Variants in CDCP1 observed in about 807,000 individuals in gnomAD.
CDCP1 encodes the protein CUB domain-containing protein 1.
A neutral mutation model predicts 60.2 loss-of-function variants in CDCP1; 29 were observed. That is an observed-to-expected ratio of 0.48 (90% confidence interval 0.36 to 0.66). The LOEUF is 0.66. Among genes scored for constraint, CDCP1 ranks in the 30% least tolerant of loss-of-function variants. The pLI is 0.00. For synonymous variants in CDCP1, 387 were observed against 431.1 expected (o/e 0.90, Z 1.27); for missense variants, 876 against 1,074.3 (o/e 0.82, Z 2.58).
intron 2 of CDCP1, among the ~76,000 whole-genome samples, chr3:45,112,882 C>T (rs1164599798): frequency 1.3e-5 from 2 of 152,252 alleles, no homozygotes; most frequent in Non-Finnish European, 2.9e-5. Context: ...CATTCAGCTA[C>T]GTGCCCTGCT....
chr3:45,145,604 A>T (rs1392245770), intron 1 of CDCP1, among the ~76,000 whole-genome samples: 1 of 152,080 alleles, frequency 6.6e-6, no homozygotes, highest in South Asian at 2.1e-4. Context: ...GGACCCCCTA[A>T]AAGAAATCCG....
chr3:45,110,143 A>G, intron 4 of CDCP1: 1 of 1,078,118 alleles, frequency 9.3e-7, no homozygotes, highest in South Asian at 2.6e-5. Context: ...ATCATCGCTG[A>G]TGGTGCGGGT....
Position 45,085,961 on chromosome 3 carries a change from C to T in CDCP1, c.2188G>A (p.Asp730Asn), listed in dbSNP as rs1221872997. Reference protein sequence around the residue: ...KKFQKGRKDNDSHVYAVIEDT... With the variant: ...KKFQKGRKDNNSHVYAVIEDT... ...TCGATGACTGCATACACATGGGAGT[C>T]ATTGTCCTTTCGCCCTTTCTGAAAC... Residue 730 changes from aspartate (D) to asparagine (N), a missense_variant, in exon 9 of 9, where the codon GAC (aspartate) becomes AAC (asparagine). Asp to Asn is a conservative substitution (Grantham distance 23). Coordinates refer to ENST00000296129, the MANE Select transcript of CDCP1 (RefSeq NM_022842.5). This position sits in a 1 kb window ranked among gnomAD's most constrained non-coding sequence, Gnocchi z 4.2. The T allele has an allele frequency of 6.2e-7, 1 of 1,614,222 alleles. No homozygotes were observed. The highest frequency in any genetic ancestry group is 1.7e-5 in the Admixed American group (1 of 60,034).
chr3:45,136,581 C>T (rs1170292795), intron 1 of CDCP1, among the ~76,000 whole-genome samples: 1 of 152,180 alleles, frequency 6.6e-6, no homozygotes, highest in Non-Finnish European at 1.5e-5. Context: ...CAAATCACAG[C>T]AAGTTGCTCT....
rs72581928 is a variant in CDCP1, at chr3:45,126,108, CTCTT to C, written c.83-7491_83-7488del. Among the ~76,000 whole-genome samples, 636 of 109,966 alleles carry C rather than the reference CTCTT, an allele frequency of 5.8e-3. 1 individual carries two copies. The highest frequency in any genetic ancestry group is 0.015 in the African/African-American group (397 of 26,918). The allele number at this position is 109,966 out of a possible 152,430, so 72.1% of individuals were successfully genotyped here. Reference sequence around the variant, plus strand: ...AACTGCTGCCATTCTTTGTCTCTCTCTCTTTCTTTCTTTCTTTCTTTCTTTCTTT... The same window carrying C: ...AACTGCTGCCATTCTTTGTCTCTCTCTCTTTCTTTCTTTCTTTCTTTCTTT... On this transcript the variant is annotated intron_variant, in intron 1 of 8. Transcript: ENST00000296129.
chr3:45,124,851 A>T (rs1196106225), intron 1 of CDCP1, among the ~76,000 whole-genome samples: 1 of 152,198 alleles, frequency 6.6e-6, no homozygotes, highest in Non-Finnish European at 1.5e-5. Context: ...ATCCACCCCA[A>T]GGGGACACAC....
In CDCP1 at chr3:45,126,122, CTTTCTTTCTTTCT is replaced by C. The variant is rs1559398772; in HGVS notation, c.83-7514_83-7502del. Among the ~76,000 whole-genome samples, 835 of 135,320 alleles carry C rather than the reference CTTTCTTTCTTTCT, an allele frequency of 6.2e-3. 17 individuals are homozygous for C. Among genetic ancestry groups the C allele is most frequent in the African/African-American group, 0.022 (779 of 35,766 alleles). 88.8% of individuals were successfully genotyped at this position (135,320 alleles called of 152,430 possible). On this transcript the variant is annotated intron_variant, in intron 1 of 8. Transcript: ENST00000296129. Reference sequence around the variant, plus strand: ...TTTGTCTCTCTCTCTTTCTTTCTTTCTTTCTTTCTTTCTTTCTTTCTTTCTTTCTTTCTTTCTT... The same window carrying C: ...TTTGTCTCTCTCTCTTTCTTTCTTTCTTCTTTCTTTCTTTCTTTCTTTCTT...
At chr3:45,120,556 A>C (rs997216032) in intron 1 of CDCP1, among the ~76,000 whole-genome samples, 2 of 152,158 alleles carry the variant, frequency 1.3e-5, no homozygotes, top group Admixed American at 1.3e-4. Context: ...TTGTAACTGG[A>C]AGAATTCCCA....
At chr3:45,130,519 A>C (rs993975335) in intron 1 of CDCP1, among the ~76,000 whole-genome samples, 6 of 152,146 alleles carry the variant, frequency 3.9e-5, no homozygotes, top group African/African-American at 1.4e-4. Flanking sequence ...CTGGACATAC[A>C]CCAAACCCCT....
chr3:45,108,930 TGTATAC>T (rs1303196680), intron 4 of CDCP1, among the ~76,000 whole-genome samples: 2 of 58,764 alleles, frequency 3.4e-5, no homozygotes, highest in Admixed American at 1.9e-4. Context: ...TATATATGCA[TGTATAC>T]ATATATATAT....
chr3:45,102,896 A>G (rs1259996256), intron 4 of CDCP1, among the ~76,000 whole-genome samples: 4 of 151,298 alleles, frequency 2.6e-5, no homozygotes, highest in Non-Finnish European at 4.4e-5. Context: ...TTTGGGCTCA[A>G]CCAAATATGC....
chr3:45,140,199 C>G (rs1699265028), intron 1 of CDCP1, among the ~76,000 whole-genome samples: 1 of 152,160 alleles, frequency 6.6e-6, no homozygotes, highest in Non-Finnish European at 1.5e-5. Context: ...GTAGGCAGAC[C>G]CAAAATAAAG....
chr3:45,133,920 C>T (rs1015954318), intron 1 of CDCP1, among the ~76,000 whole-genome samples: 9 of 152,122 alleles, frequency 5.9e-5, no homozygotes, highest in Non-Finnish European at 1.3e-4. Context: ...CCGTCACTGC[C>T]TTTACTTCCG....
intron 1 of CDCP1, among the ~76,000 whole-genome samples, chr3:45,142,153 C>T (rs1158555499): frequency 6.6e-6 from 1 of 152,036 alleles, no homozygotes; most frequent in Non-Finnish European, 1.5e-5. Flanking sequence ...TTTTCTTAAC[C>T]ACCAAGGCAG....
intron 1 of CDCP1, among the ~76,000 whole-genome samples, chr3:45,142,819 C>T (rs543623609): frequency 2.6e-5 from 4 of 152,348 alleles, no homozygotes; most frequent in South Asian, 2.1e-4. Flanking sequence ...GCTTCCAGAA[C>T]GTGGAAATGC....
In CDCP1 at chr3:45,118,381, A is replaced by G. The variant is rs150247966; in HGVS notation, c.292+31T>C. On this transcript the variant is annotated intron_variant, in intron 2 of 8. Coordinates refer to ENST00000296129, the MANE Select transcript of CDCP1 (RefSeq NM_022842.5). The stretch of plus-strand genomic sequence containing the variant: ...GGAGGTGTAGAGACATTTAAAAGAC[A>G]TTGTCAAACAGCTCACAAGTGTCTA... 61 of 1,516,054 alleles carry G rather than the reference A, an allele frequency of 4.0e-5. 1 individual carries two copies. In the African/African-American group the frequency reaches 6.8e-4, roughly 17 times the overall value. 93.9% of individuals were successfully genotyped at this position (1,516,054 alleles called of 1,614,324 possible). A position where few individuals can be genotyped will look rare whatever the true frequency, so the allele number is the denominator to read the frequency against.
At chr3:45,129,529 T>C (rs1699052664) in intron 1 of CDCP1, among the ~76,000 whole-genome samples, 1 of 152,216 alleles carries the variant, frequency 6.6e-6, no homozygotes, top group African/African-American at 2.4e-5. Context: ...TAACATTTTA[T>C]GAAATGTTAA....
chr3:45,132,113 G>A (rs1235900828), intron 1 of CDCP1, among the ~76,000 whole-genome samples: 1 of 152,032 alleles, frequency 6.6e-6, no homozygotes, highest in Admixed American at 6.5e-5. Context: ...GCACATGCCT[G>A]TAATCCCAGC....
Position 45,118,502 on chromosome 3 carries a change from A to G in CDCP1, c.202T>C (p.Leu68=). 6.2e-7 allele frequency: 1 copy of G among 1,614,196 alleles called. No individual in the cohort carries two copies. The highest frequency in any genetic ancestry group is 1.1e-5 in the South Asian group (1 of 91,086). The part of the protein sequence containing the change: ...IVISKRHITM[L]SIKSGERIVF... ...ATTCTTTCTCCAGACTTGATGGACA[A>G]CATGGTTATATGTCTTTTAGAAATG... Residue 68 remains leucine, a synonymous_variant, in exon 2 of 9, where the codon TTG becomes CTG. Transcript: ENST00000296129.
Sources: allele counts gnomAD v4.1 joint callset (sites outside exome capture counted in the v4.1 genomes callset), GRCh38; gene constraint gnomAD v4.1.1; non-coding constraint Gnocchi (gnomAD v3.1); transcripts MANE v1.5; gene names NCBI Gene and HGNC (gene_info 2026-07-23, HGNC 2026-07-21).